The following TEAD4 variants were observed in gnomAD, a reference collection of about 807,000 sequenced individuals.
TEAD4 encodes TEA domain transcription factor 4.
Under a neutral mutation model 52.4 loss-of-function variants are expected in TEAD4, and 36 were observed. The ratio of observed to expected loss-of-function variants is 0.69; its 90% confidence interval spans 0.53 to 0.91. The LOEUF (loss-of-function observed/expected upper bound fraction) is 0.91. TEAD4 is among the 40% of genes least tolerant of loss of function. TEAD4 has a pLI of 0.00. For missense variants in TEAD4, 508 were observed against 583.9 expected (o/e 0.87, Z 1.34); for synonymous variants, 220 against 231.0 (o/e 0.95, Z 0.43).
At chr12:3,036,447 C>G (rs778304757) in intron 10 of TEAD4, among the ~76,000 whole-genome samples, 1 of 152,132 alleles carries the variant, frequency 6.6e-6, no homozygotes, top group Non-Finnish European at 1.5e-5. Flanking sequence ...ATTGAGTGTC[C>G]CCTCATGGCC....
intron 2 of TEAD4, among the ~76,000 whole-genome samples, chr12:2,992,836 ATG>A (rs1252945246): frequency 7.9e-5 from 12 of 152,238 alleles, no homozygotes; most frequent in African/African-American, 2.9e-4. Context: ...GATTACTGGT[ATG>A]TCCTGCTCCT....
chr12:2,995,945 C>A lies in TEAD4; in HGVS notation c.226+953C>A, dbSNP rs535488209. On this transcript the variant is annotated intron_variant, in intron 3 of 12. Transcript: ENST00000359864. Reference sequence around the variant, plus strand: ...ATCTCTTGAGGCCAAGAGGTCAAGGCTGCATTGAGCCATGAGTGCACTGTT... The same window carrying A: ...ATCTCTTGAGGCCAAGAGGTCAAGGATGCATTGAGCCATGAGTGCACTGTT... Among the ~76,000 whole-genome samples, 18 of 151,268 alleles carry A rather than the reference C, an allele frequency of 1.2e-4. No homozygotes were observed. The South Asian group carries it at 3.5e-3, about 30-fold the overall frequency.
intron 3 of TEAD4, among the ~76,000 whole-genome samples, chr12:2,997,810 G>GA (rs966512092): frequency 2.0e-5 from 3 of 151,132 alleles, no homozygotes; most frequent in African/African-American, 7.3e-5. Context: ...TTTTTCGGGG[G>GA]GGGGGTGTGT....
chr12:3,025,512 A>G (rs1473034473), intron 10 of TEAD4, among the ~76,000 whole-genome samples: 1 of 151,168 alleles, frequency 6.6e-6, no homozygotes, highest in African/African-American at 2.5e-5. Flanking sequence ...CATTTTCCCT[A>G]GAAAATGATG....
intron 3 of TEAD4, among the ~76,000 whole-genome samples, chr12:2,996,707 GCTTTT>G (rs549784423): frequency 2.1e-4 from 32 of 152,180 alleles, no homozygotes; most frequent in African/African-American, 6.3e-4. Flanking sequence ...ACCGCACCCA[GCTTTT>G]CTTTTCTTTT....
intron 3 of TEAD4, among the ~76,000 whole-genome samples, chr12:3,001,863 G>A (rs141162937): frequency 1.8e-4 from 28 of 151,854 alleles, no homozygotes; most frequent in African/African-American, 6.5e-4. Flanking sequence ...GGCCAAGGCG[G>A]GCAGATCACT....
chr12:2,962,346 A>AAATATATATATATATATATT (rs1555118352), intron 2 of TEAD4, among the ~76,000 whole-genome samples: 4 of 128,060 alleles, frequency 3.1e-5, no homozygotes, highest in East Asian at 2.1e-4. Flanking sequence ...ATATATATAT[A>AAATATATATATATATATATT]TTTTTTGAGA....
At chr12:2,987,978 G>A (rs1355893321) in intron 2 of TEAD4, among the ~76,000 whole-genome samples, 1 of 151,742 alleles carries the variant, frequency 6.6e-6, no homozygotes, top group East Asian at 2.0e-4. Flanking sequence ...TGAGGCAGGA[G>A]AATCACTTGA....
At chr12:3,013,489 T>G (rs1285736361) in intron 5 of TEAD4, among the ~76,000 whole-genome samples, 1 of 152,012 alleles carries the variant, frequency 6.6e-6, no homozygotes, top group East Asian at 1.9e-4. Flanking sequence ...CTGTAAGCAC[T>G]TTGGGAGGCC....
intron 2 of TEAD4, among the ~76,000 whole-genome samples, chr12:2,989,225 A>G (rs1309157306): frequency 1.3e-5 from 2 of 152,114 alleles, no homozygotes; most frequent in African/African-American, 4.8e-5. Context: ...TATAGGTATG[A>G]GCCACCATGC....
intron 4 of TEAD4, 151 bp from the exon 5 acceptor site, chr12:3,012,019 A>T: frequency 1.4e-6 from 1 of 729,348 alleles, no homozygotes; most frequent in Non-Finnish European, 2.3e-6. Flanking sequence ...GCAAGGCAGG[A>T]CTGAGGGCCC....
intron 3 of TEAD4, among the ~76,000 whole-genome samples, chr12:2,999,368 G>A (rs771459565): frequency 2.6e-4 from 40 of 152,252 alleles, no homozygotes; most frequent in Non-Finnish European, 5.0e-4. Context: ...ATGGGGTGGG[G>A]CTAAGAGGAT....
intron 2 of TEAD4, among the ~76,000 whole-genome samples, chr12:2,980,506 G>A (rs1048979060): frequency 6.6e-6 from 1 of 152,130 alleles, no homozygotes; most frequent in Non-Finnish European, 1.5e-5. Context: ...GCCGAGACGG[G>A]CGGATCACTT....
chr12:2,991,222 T>C (rs906789815), intron 2 of TEAD4, among the ~76,000 whole-genome samples: 2 of 152,080 alleles, frequency 1.3e-5, no homozygotes, highest in Non-Finnish European at 2.9e-5. Context: ...ATAATAAAAA[T>C]TTAAAGTGAT....
intron 2 of TEAD4, among the ~76,000 whole-genome samples, chr12:2,964,319 T>C (rs2098218397): frequency 6.6e-6 from 1 of 152,210 alleles, no homozygotes; most frequent in African/African-American, 2.4e-5. Context: ...GCTGGTGTTG[T>C]TGCTCCCTGG....
intron 2 of TEAD4, among the ~76,000 whole-genome samples, chr12:2,983,094 C>T (rs993642896): frequency 1.1e-4 from 16 of 152,190 alleles, no homozygotes; most frequent in Non-Finnish European, 1.5e-5. Context: ...GGGCATCCAT[C>T]TGTACTTAGT....
intron 10 of TEAD4, among the ~76,000 whole-genome samples, chr12:3,031,656 T>C (rs1430878945): frequency 6.6e-6 from 1 of 152,128 alleles, no homozygotes; most frequent in African/African-American, 2.4e-5. Flanking sequence ...CTGAGAGAGA[T>C]GACAGCTGCA....
intron 2 of TEAD4, among the ~76,000 whole-genome samples, chr12:2,967,520 A>G (rs1458632057): frequency 2.0e-5 from 3 of 152,258 alleles, no homozygotes; most frequent in Non-Finnish European, 4.4e-5. Context: ...TATCTCAAGA[A>G]GAAATGTAAT....
intron 2 of TEAD4, among the ~76,000 whole-genome samples, chr12:2,971,515 G>A (rs892247132): frequency 2.0e-5 from 3 of 151,200 alleles, no homozygotes; most frequent in Admixed American, 6.6e-5. Context: ...TCGCTCTGTC[G>A]CCCAGGCTGG....
Sources: allele counts gnomAD v4.1 joint callset (sites outside exome capture counted in the v4.1 genomes callset), GRCh38; gene constraint gnomAD v4.1.1; transcripts MANE v1.5; gene names NCBI Gene and HGNC (gene_info 2026-07-23, HGNC 2026-07-21).